The following TRHDE variants were observed in gnomAD, a reference collection of about 807,000 sequenced individuals.
TRHDE encodes the protein thyrotropin-releasing hormone-degrading ectoenzyme.
Under a neutral mutation model 125.7 loss-of-function variants are expected in TRHDE, and 72 were observed. That is an observed-to-expected ratio of 0.57 (90% CI 0.47 to 0.70). The LOEUF is 0.70. Among genes scored for constraint, TRHDE ranks in the 30% least tolerant of loss-of-function variants. TRHDE has a pLI of 0.00. For synonymous variants in TRHDE, 509 were observed against 509.1 expected (o/e 1.00, Z 0.00); for missense variants, 1,110 against 1,327.1 (o/e 0.84, Z 2.54).
At chr12:72,303,058 T>C (rs1868285820) in intron 2 of TRHDE, 1 of 152,162 alleles carries the variant, frequency 6.6e-6, no homozygotes, top group Admixed American at 6.5e-5. Context: ...GATCTTATGG[T>C]GGTGACTCCT....
At chr12:72,572,018 C>CACACACACACACAT in intron 10 of TRHDE, among the ~76,000 whole-genome samples, 2 of 149,458 alleles carry the variant, frequency 1.3e-5, no homozygotes, top group African/African-American at 2.5e-5. Context: ...CACACACACA[C>CACACACACACACAT]GATTTATTGC....
intron 2 of TRHDE, among the ~76,000 whole-genome samples, chr12:72,242,370 G>T (rs573528429): frequency 7.0e-4 from 106 of 152,254 alleles, no homozygotes; most frequent in Non-Finnish European, 1.1e-3. Flanking sequence ...CAACTCCACG[G>T]CCAAGCCTCA....
chr12:72,464,365 G>C (rs1448271230), intron 3 of TRHDE, among the ~76,000 whole-genome samples: 2 of 152,176 alleles, frequency 1.3e-5, no homozygotes, highest in African/African-American at 4.8e-5. Flanking sequence ...AGAAGTCCAA[G>C]ATACGGCACA....
chr12:72,206,913 T>C (rs552810055), intron 2 of TRHDE, among the ~76,000 whole-genome samples: 1 of 152,050 alleles, frequency 6.6e-6, no homozygotes, highest in East Asian at 1.9e-4. Context: ...TTGACACTAA[T>C]GACAACTCAA....
At chr12:72,112,182 A>G (rs1238289032) in intron 2 of TRHDE, among the ~76,000 whole-genome samples, 1 of 152,146 alleles carries the variant, frequency 6.6e-6, no homozygotes, top group African/African-American at 2.4e-5. Context: ...TACCTTTGAA[A>G]TATAGTACTG....
At position 72,333,068 on chromosome 12, in the gene TRHDE, C is replaced by T. The variant is rs117570568; in HGVS notation, c.1189-44927C>T. 1.7e-4 allele frequency among the ~76,000 whole-genome samples: 26 copies of T among 152,220 alleles called. No homozygotes were observed. The East Asian group carries it at 4.3e-3, about 25-fold the overall frequency. ...GTAAAATTAGGAATTTATGAGGATG[C>T]GAAGGAAATAAAATCCTTGACTAAT... On this transcript the variant is annotated intron_variant, in intron 2 of 18. Transcript: ENST00000261180.
intron 6 of TRHDE, among the ~76,000 whole-genome samples, chr12:72,500,143 G>A (rs938090848): frequency 6.6e-6 from 1 of 151,972 alleles, no homozygotes; most frequent in Non-Finnish European, 1.5e-5. Context: ...TAAAATACTA[G>A]ACTTTCAATG....
intron 12 of TRHDE, among the ~76,000 whole-genome samples, chr12:72,599,910 A>G (rs1476949662): frequency 6.6e-6 from 1 of 151,956 alleles, no homozygotes; most frequent in Non-Finnish European, 1.5e-5. Context: ...TCTTGACTTA[A>G]TTTTTTTGTA....
At chr12:72,621,577 T>C in intron 14 of TRHDE, 67 bp from the exon 15 acceptor site, 2 of 1,143,610 alleles carry the variant, frequency 1.7e-6, no homozygotes, top group Non-Finnish European at 2.5e-6. Flanking sequence ...AATTTACTTA[T>C]CTACTATTTA....
chr12:72,410,870 TA>T (rs796586000), intron 3 of TRHDE, among the ~76,000 whole-genome samples: 367 of 125,480 alleles, frequency 2.9e-3, no homozygotes, highest in South Asian at 3.8e-3. Context: ...GATAAGCAGA[TA>T]AAAAAAAAAA....
chr12:72,347,031 T>C (rs1870356611), intron 2 of TRHDE, among the ~76,000 whole-genome samples: 2 of 152,238 alleles, frequency 1.3e-5, no homozygotes, highest in Non-Finnish European at 2.9e-5. Flanking sequence ...AATTGTCTGC[T>C]TTTTAAGGAT....
intron 2 of TRHDE, among the ~76,000 whole-genome samples, chr12:72,205,940 A>G (rs1429191836): frequency 6.6e-6 from 1 of 152,172 alleles, no homozygotes; most frequent in Non-Finnish European, 1.5e-5. Flanking sequence ...TGTTTTCCAC[A>G]GTAGCTGTGC....
chr12:72,624,440 A>T (rs576245365), intron 15 of TRHDE, among the ~76,000 whole-genome samples: 1 of 152,106 alleles, frequency 6.6e-6, no homozygotes, highest in African/African-American at 2.4e-5. Context: ...TCTACAAAAC[A>T]GTGAGTCATA....
intron 2 of TRHDE, among the ~76,000 whole-genome samples, chr12:72,166,348 CATATATACACACAT>C (rs1265131537): frequency 1.3e-5 from 2 of 151,890 alleles, no homozygotes; most frequent in Non-Finnish European, 2.9e-5. Flanking sequence ...CATATATACA[CATATATACACACAT>C]ATATATACAC....
intron 3 of TRHDE, among the ~76,000 whole-genome samples, chr12:72,404,064 T>G (rs1873161786): frequency 1.3e-5 from 2 of 152,166 alleles, no homozygotes; most frequent in African/African-American, 2.4e-5. Context: ...GTACTCAGTA[T>G]GTTGTACTAG....
intron 6 of TRHDE, among the ~76,000 whole-genome samples, chr12:72,514,919 A>C (rs1398706406): frequency 3.3e-5 from 5 of 149,454 alleles, no homozygotes; most frequent in Admixed American, 6.7e-5. Flanking sequence ...TAGTTTACTG[A>C]GAATGATGAT....
intron 2 of TRHDE, among the ~76,000 whole-genome samples, chr12:72,189,119 A>G (rs959806308): frequency 7.9e-5 from 12 of 152,376 alleles, no homozygotes; most frequent in Non-Finnish European, 1.2e-4. Context: ...GTAATAAAAA[A>G]GATTCTTTTT....
At chr12:72,646,866 T>TA (rs1378260221) in intron 15 of TRHDE, among the ~76,000 whole-genome samples, 2 of 151,482 alleles carry the variant, frequency 1.3e-5, no homozygotes. Flanking sequence ...AAGGGAGAAA[T>TA]AAAAAACATT....
At chr12:72,096,500 T>G (rs1276568972) in intron 1 of TRHDE, among the ~76,000 whole-genome samples, 2 of 152,208 alleles carry the variant, frequency 1.3e-5, no homozygotes, top group Non-Finnish European at 2.9e-5. Flanking sequence ...CTCTACCTAT[T>G]GAAGGCTAAG....
Sources: gnomAD v4.1 joint callset for allele counts (sites outside exome capture counted in the v4.1 genomes callset) on GRCh38, gnomAD v4.1.1 for gene constraint, MANE v1.5 for transcripts, NCBI Gene and HGNC (gene_info 2026-07-23, HGNC 2026-07-21) for gene names.